The following SYT1 variants were observed in gnomAD, a reference collection of about 807,000 sequenced individuals.
The protein encoded by SYT1 is synaptotagmin 1, also known as synaptotagmin-1.
SYT1 carries 8 observed loss-of-function variants against 44.8 expected under a neutral mutation model. That is an observed-to-expected ratio of 0.18 (90% CI 0.10 to 0.32). The LOEUF is 0.32. Ranked by LOEUF, SYT1 falls within the 10% of genes least tolerant of loss-of-function variation. SYT1 has a pLI of 1.00. For missense variants in SYT1, 286 were observed against 509.3 expected (o/e 0.56, Z 4.22); for synonymous variants, 154 against 188.8 (o/e 0.82, Z 1.51).
intron 1 of SYT1, among the ~76,000 whole-genome samples, chr12:78,903,605 A>C (rs1206727576): frequency 6.6e-6 from 1 of 152,140 alleles, no homozygotes; most frequent in Non-Finnish European, 1.5e-5. Flanking sequence ...TATATTTTAT[A>C]TGTAACACTT....
At chr12:79,262,109 T>C (rs1592909058) in intron 4 of SYT1, among the ~76,000 whole-genome samples, 1 of 152,216 alleles carries the variant, frequency 6.6e-6, no homozygotes, top group Non-Finnish European at 1.5e-5. Flanking sequence ...AAACAGTCAT[T>C]ATGTTTCAGC....
chr12:79,409,732 G>C (rs542986104), intron 9 of SYT1, among the ~76,000 whole-genome samples: 9 of 152,002 alleles, frequency 5.9e-5, no homozygotes, highest in Non-Finnish European at 1.2e-4. Flanking sequence ...ATCTCGGCTT[G>C]GCAGTGGGTT....
intron 4 of SYT1, among the ~76,000 whole-genome samples, chr12:79,269,757 A>G (rs1878323037): frequency 6.6e-6 from 1 of 152,082 alleles, no homozygotes; most frequent in Non-Finnish European, 1.5e-5. Flanking sequence ...AGAGTCCACA[A>G]CTTTTATCAT....
intron 1 of SYT1, among the ~76,000 whole-genome samples, chr12:78,973,942 T>A (rs368122709): frequency 0.14 from 1,967 of 13,738 alleles, 190 homozygotes; most frequent in Middle Eastern, 0.5. Context: ...AAAAAAAATA[T>A]ATATATATAT....
At chr12:79,054,730 T>C (rs1354023601) in intron 3 of SYT1, among the ~76,000 whole-genome samples, 4 of 151,946 alleles carry the variant, frequency 2.6e-5, no homozygotes, top group Admixed American at 1.3e-4. Flanking sequence ...TTTATATTTT[T>C]AGTAATTACA....
intron 7 of SYT1, 107 bp from the exon 8 acceptor site, chr12:79,299,277 C>T: frequency 1.6e-6 from 2 of 1,248,696 alleles, no homozygotes; most frequent in South Asian, 1.4e-5. Flanking sequence ...AAATTATCTC[C>T]CTGTTCTGTT....
intron 2 of SYT1, among the ~76,000 whole-genome samples, chr12:79,029,619 C>G (rs1260458754): frequency 6.6e-6 from 1 of 151,008 alleles, no homozygotes; most frequent in Non-Finnish European, 1.5e-5. Flanking sequence ...TATTCTCTAG[C>G]TAAGGAATCC....
chr12:79,059,928 T>G (rs1875249822), intron 3 of SYT1, among the ~76,000 whole-genome samples: 1 of 152,112 alleles, frequency 6.6e-6, no homozygotes, highest in Admixed American at 6.6e-5. Flanking sequence ...AATAACTAGC[T>G]TATATATTTT....
chr12:78,932,186 A>G (rs1197651658), intron 1 of SYT1, among the ~76,000 whole-genome samples: 1 of 152,238 alleles, frequency 6.6e-6, no homozygotes, highest in Non-Finnish European at 1.5e-5. Flanking sequence ...TATAATCTGA[A>G]TATCAAAATT....
chr12:79,103,549 T>C (rs11835841), intron 3 of SYT1, among the ~76,000 whole-genome samples: 2,231 of 152,208 alleles, frequency 0.015, 50 homozygotes, highest in African/African-American at 0.051. Context: ...TATATTCTTT[T>C]ATGTAAGTAA....
chr12:78,922,825 A>T (rs934934719), intron 1 of SYT1, among the ~76,000 whole-genome samples: 9 of 151,968 alleles, frequency 5.9e-5, no homozygotes, highest in African/African-American at 1.4e-4. Context: ...TCATTCATTT[A>T]GTTCTCACAC....
chr12:79,400,819 T>G (rs1885041434), intron 9 of SYT1, among the ~76,000 whole-genome samples: 1 of 152,228 alleles, frequency 6.6e-6, no homozygotes, highest in Admixed American at 6.5e-5. Context: ...GTGCATTTGG[T>G]TTCCATGGAG....
At chr12:79,080,309 A>T (rs1876943712) in intron 3 of SYT1, among the ~76,000 whole-genome samples, 1 of 152,130 alleles carries the variant, frequency 6.6e-6, no homozygotes, top group Non-Finnish European at 1.5e-5. Context: ...CATATTTGGG[A>T]CATCTGGATA....
intron 3 of SYT1, among the ~76,000 whole-genome samples, chr12:79,060,398 T>G (rs1482240216): frequency 6.6e-6 from 1 of 152,012 alleles, no homozygotes; most frequent in Admixed American, 6.6e-5. Flanking sequence ...CACTGTTGTT[T>G]GATCATCAGC....
At chr12:78,987,563 C>A (rs1486922458) in intron 2 of SYT1, among the ~76,000 whole-genome samples, 1 of 151,966 alleles carries the variant, frequency 6.6e-6, no homozygotes, top group African/African-American at 2.4e-5. Context: ...TTCAAGAACC[C>A]ATGAGGCTAC....
At chr12:79,069,025 C>G (rs748978873) in intron 3 of SYT1, among the ~76,000 whole-genome samples, 1 of 152,170 alleles carries the variant, frequency 6.6e-6, no homozygotes, top group African/African-American at 2.4e-5. Flanking sequence ...TTTCAATACT[C>G]TTCCTGCATA....
At chr12:78,965,752 C>G (rs1879735555) in intron 1 of SYT1, among the ~76,000 whole-genome samples, 1 of 152,062 alleles carries the variant, frequency 6.6e-6, no homozygotes, top group Admixed American at 6.6e-5. Flanking sequence ...TCAAAGATCT[C>G]ATGTTGCGTG....
intron 2 of SYT1, among the ~76,000 whole-genome samples, chr12:79,001,297 C>G (rs555618989): frequency 5.3e-5 from 8 of 150,912 alleles, no homozygotes; most frequent in African/African-American, 1.9e-4. Context: ...AATGAAGCCA[C>G]TGTCAGTAGT....
intron 7 of SYT1, among the ~76,000 whole-genome samples, chr12:79,296,628 T>C (rs1470003779): frequency 6.6e-6 from 1 of 152,222 alleles, no homozygotes; most frequent in Non-Finnish European, 1.5e-5. Context: ...GCTTAAATGG[T>C]ACAAATAGAC....
Sources: gnomAD v4.1 joint callset for allele counts (sites outside exome capture counted in the v4.1 genomes callset) on GRCh38, gnomAD v4.1.1 for gene constraint, MANE v1.5 for transcripts, NCBI Gene and HGNC (gene_info 2026-07-23, HGNC 2026-07-21) for gene names.